ADGRB3: variants seen among roughly 807,000 people sequenced by gnomAD.
ADGRB3 encodes the protein adhesion G protein-coupled receptor B3.
Under a neutral mutation model 193.4 loss-of-function variants are expected in ADGRB3, and 37 were observed. That is an observed-to-expected ratio of 0.19 (90% CI 0.15 to 0.25). ADGRB3 has a LOEUF of 0.25. Ranked by LOEUF, ADGRB3 falls within the 10% of genes least tolerant of loss-of-function variation. The pLI, the probability that ADGRB3 is intolerant of heterozygous loss-of-function variation, is 1.00. For missense variants in ADGRB3, 1,637 were observed against 1,852.9 expected (o/e 0.88, Z 2.14); for synonymous variants, 690 against 644.2 (o/e 1.07, Z -1.08).
chr6:69,291,164 T>C (rs1767657480), intron 20 of ADGRB3, among the ~76,000 whole-genome samples: 1 of 152,136 alleles, frequency 6.6e-6, no homozygotes, highest in Non-Finnish European at 1.5e-5. Flanking sequence ...GGAATAAAAG[T>C]GAGGGATAAT....
At chr6:68,787,452 A>T (rs1438309918) in intron 3 of ADGRB3, among the ~76,000 whole-genome samples, 2 of 152,218 alleles carry the variant, frequency 1.3e-5, no homozygotes, top group Non-Finnish European at 2.9e-5. Context: ...GTGTTGGATT[A>T]CATTTATTGA....
At chr6:68,931,466 T>C (rs536528698) in intron 4 of ADGRB3, among the ~76,000 whole-genome samples, 8 of 152,126 alleles carry the variant, frequency 5.3e-5, no homozygotes, top group Non-Finnish European at 1.2e-4. Flanking sequence ...AAAAAGTGTT[T>C]CAACTTTGTT....
rs540540048 is a variant in ADGRB3, at chr6:68,860,409, C to A, written c.758-70150C>A. 9.9e-5 allele frequency among the ~76,000 whole-genome samples: 15 copies of A among 152,204 alleles called. No homozygotes were observed. The South Asian group carries it at 2.5e-3, about 25-fold the overall frequency. On this transcript the variant is annotated intron_variant, in intron 3 of 31. Transcript: ENST00000370598. Reference sequence around the variant, plus strand: ...CTTCCCACTCTCCCATTCTGGAGCCCCAGTGTATATTACTTCCCTCTCTAA... The same window carrying A: ...CTTCCCACTCTCCCATTCTGGAGCCACAGTGTATATTACTTCCCTCTCTAA...
intron 17 of ADGRB3, among the ~76,000 whole-genome samples, chr6:69,152,091 T>C (rs1774696717): frequency 6.6e-6 from 1 of 152,236 alleles, no homozygotes; most frequent in South Asian, 2.1e-4. Flanking sequence ...CTCTTTCCTT[T>C]ATAAATTACC....
chr6:68,755,485 C>T (rs1213931696), intron 3 of ADGRB3, among the ~76,000 whole-genome samples: 3 of 152,060 alleles, frequency 2.0e-5, no homozygotes, highest in Non-Finnish European at 4.4e-5. Flanking sequence ...GATGGTTCTT[C>T]TGGATTTGTC....
chr6:69,190,247 A>G (rs924538663), intron 17 of ADGRB3, among the ~76,000 whole-genome samples: 1 of 152,122 alleles, frequency 6.6e-6, no homozygotes, highest in African/African-American at 2.4e-5. Flanking sequence ...GCCAGCTGTA[A>G]GCGTGTTATT....
intron 13 of ADGRB3, among the ~76,000 whole-genome samples, chr6:69,033,701 T>G (rs1285443841): frequency 6.6e-6 from 1 of 152,144 alleles, no homozygotes; most frequent in Non-Finnish European, 1.5e-5. Flanking sequence ...TCTAAAATAT[T>G]TATCAGTGTT....
chr6:69,021,535 A>G (rs1324708619), intron 13 of ADGRB3, among the ~76,000 whole-genome samples: 1 of 151,972 alleles, frequency 6.6e-6, no homozygotes, highest in Admixed American at 6.6e-5. Context: ...AGCAAATAGA[A>G]TAGATGAAAT....
At chr6:69,332,120 C>T (rs1768743489) in intron 23 of ADGRB3, 9 of 985,212 alleles carry the variant, frequency 9.1e-6, no homozygotes, top group Non-Finnish European at 1.1e-5. Context: ...ATTCCTTGAT[C>T]AGAAAGTGTT....
chr6:69,044,110 T>A (rs1034692077), intron 13 of ADGRB3, among the ~76,000 whole-genome samples: 1 of 152,176 alleles, frequency 6.6e-6, no homozygotes, highest in Admixed American at 6.5e-5. Context: ...AAATCTAGGA[T>A]AAATGCTTAC....
chr6:68,860,849 G>C (rs1188192699), intron 3 of ADGRB3, among the ~76,000 whole-genome samples: 1 of 149,078 alleles, frequency 6.7e-6, no homozygotes, highest in South Asian at 2.2e-4. Context: ...CTGATATATA[G>C]CAAAAGGGAA....
At position 69,342,342 on chromosome 6, in the gene ADGRB3, A is replaced by G. The variant is rs944654108; in HGVS notation, c.3459+2838A>G. On this transcript the variant is annotated intron_variant, in intron 26 of 31. Coordinates refer to ENST00000370598, the MANE Select transcript of ADGRB3 (RefSeq NM_001704.3). ...CTCCATCACTGAAATGGCAAATCACATATTTCTTTTTTTTAATTGAACCTT... is the reference window on the plus strand; with the variant it reads ...CTCCATCACTGAAATGGCAAATCACGTATTTCTTTTTTTTAATTGAACCTT... Among the ~76,000 whole-genome samples, 3 of 152,088 alleles carry G rather than the reference A, an allele frequency of 2.0e-5. No homozygotes were observed. In the South Asian group the frequency reaches 6.2e-4, roughly 32 times the overall value.
At chr6:68,996,027 T>A (rs1582380356) in intron 11 of ADGRB3, among the ~76,000 whole-genome samples, 2 of 152,178 alleles carry the variant, frequency 1.3e-5, no homozygotes, top group African/African-American at 4.8e-5. Flanking sequence ...TCACGTTACT[T>A]TAGTTTTTGC....
Position 69,388,823 on chromosome 6 carries a change from G to A in ADGRB3, c.4501G>A (p.Ala1501Thr). ...EAKDALELRP[A>T]EWEKCLNLPL... ...AAAGGATGCTTTGGAACTGAGGCCA[G>A]CAGAGTGGGAGAAGTGTCTGAATTT... The change falls in exon 32 of 32, where the codon GCA becomes ACA. Residue 1501 changes from alanine to threonine, a missense_variant. Physicochemically the swap from Ala to Thr is moderately conservative, Grantham distance 58. Transcript: ENST00000370598. The A allele has an allele frequency of 2.5e-6, 4 of 1,613,526 alleles. No homozygotes were observed. Among genetic ancestry groups the A allele is most frequent in the Non-Finnish European group, 3.4e-6 (4 of 1,179,636 alleles).
At chr6:68,830,682 G>A (rs964809780) in intron 3 of ADGRB3, among the ~76,000 whole-genome samples, 3 of 152,050 alleles carry the variant, frequency 2.0e-5, no homozygotes, top group African/African-American at 7.2e-5. Context: ...AAACTAAGTT[G>A]ATATAAAATT....
intron 20 of ADGRB3, among the ~76,000 whole-genome samples, chr6:69,291,771 A>G (rs1349779727): frequency 6.6e-6 from 1 of 152,168 alleles, no homozygotes; most frequent in Non-Finnish European, 1.5e-5. Context: ...TGGCATATTA[A>G]CTATTTTACA....
intron 3 of ADGRB3, among the ~76,000 whole-genome samples, chr6:68,708,087 G>A (rs1191810219): frequency 1.3e-5 from 2 of 152,110 alleles, no homozygotes; most frequent in African/African-American, 4.8e-5. Flanking sequence ...ATTTCAATTT[G>A]TACACTTAGG....
rs989608501 is a variant in ADGRB3, at chr6:69,186,694, C to T, written c.2481-46596C>T. Among the ~76,000 whole-genome samples, 6 of 152,078 alleles carry T rather than the reference C, an allele frequency of 3.9e-5. 1 individual carries two copies. Among genetic ancestry groups the T allele is most frequent in the Admixed American group, 1.3e-4 (2 of 15,260 alleles). On this transcript the variant is annotated intron_variant, in intron 17 of 31. Transcript: ENST00000370598. ...ATTGTATTAACTTTGAACCAAAAAT[C>T]TGCTTCCTCAAATCTGTCTTTCAGA...
intron 13 of ADGRB3, among the ~76,000 whole-genome samples, chr6:69,020,350 C>T (rs904255941): frequency 6.6e-6 from 1 of 151,886 alleles, no homozygotes; most frequent in Non-Finnish European, 1.5e-5. Flanking sequence ...AGAATCACAG[C>T]GTATCACATT....
Sources: gnomAD v4.1 joint callset for allele counts (sites outside exome capture counted in the v4.1 genomes callset) on GRCh38, gnomAD v4.1.1 for gene constraint, MANE v1.5 for transcripts, NCBI Gene and HGNC (gene_info 2026-07-23, HGNC 2026-07-21) for gene names.